ZNF140: variants seen among roughly 807,000 people sequenced by gnomAD.
ZNF140 encodes the protein zinc finger protein 140.
A neutral mutation model predicts 12.9 loss-of-function variants in ZNF140; 13 were observed. The ratio of observed to expected loss-of-function variants is 1.01; its 90% CI spans 0.66 to 1.60. The LOEUF is 1.60. ZNF140 is among the 40% of genes most tolerant of loss of function. The pLI is 0.00. For synonymous variants in ZNF140, 214 were observed against 186.7 expected (o/e 1.15, Z -1.19); for missense variants, 531 against 548.8 (o/e 0.97, Z 0.32).
At chr12:133,098,329 C>T (rs1283410502) in intron 4 of ZNF140, among the ~76,000 whole-genome samples, 9 of 151,974 alleles carry the variant, frequency 5.9e-5, no homozygotes, top group South Asian at 2.1e-4. Flanking sequence ...CTCCACCTCC[C>T]GAGTTCAACA....
Position 133,083,120 on chromosome 12 carries a change from A to T in ZNF140, c.27A>T (p.Arg9Ser). The T allele has an allele frequency of 6.2e-7, 1 of 1,614,182 alleles. No individual in the cohort carries two copies. Residue 9 changes from arginine to serine, a missense_variant, in exon 3 of 5, where the codon AGA becomes AGT. Arg to Ser is a moderately radical substitution (Grantham distance 110). Coordinates refer to ENST00000355557, the MANE Select transcript of ZNF140 (RefSeq NM_003440.4). MSQGSVTF[R>S]DVAIDFSQEE... is the part of the protein sequence containing the mutation. ...CATTTCAGGGGTCAGTGACATTCAG[A>T]GATGTGGCCATAGACTTCTCCCAGG...
intron 4 of ZNF140, among the ~76,000 whole-genome samples, chr12:133,090,553 C>T (rs1201569472): frequency 2.3e-4 from 35 of 152,128 alleles, no homozygotes; most frequent in Non-Finnish European, 2.9e-5. Flanking sequence ...GTGGCCTGCC[C>T]CTCCACACCT....
chr12:133,095,781 C>T (rs1456559236), intron 4 of ZNF140, among the ~76,000 whole-genome samples: 1 of 151,756 alleles, frequency 6.6e-6, no homozygotes, highest in African/African-American at 2.4e-5. Flanking sequence ...GGTACTATGC[C>T]TGGATGTGCA....
At chr12:133,088,498 T>C (rs1954756866) in intron 4 of ZNF140, among the ~76,000 whole-genome samples, 2 of 152,262 alleles carry the variant, frequency 1.3e-5, no homozygotes, top group Admixed American at 6.5e-5. Flanking sequence ...AGTTTACTTA[T>C]ATGTTCACCT....
In ZNF140 at chr12:133,088,463, A is replaced by G. The variant is rs1053376239; in HGVS notation, c.232+4902A>G. 3.3e-5 allele frequency among the ~76,000 whole-genome samples: 5 copies of G among 152,344 alleles called. No homozygotes were observed. In the East Asian group the frequency reaches 7.7e-4, roughly 24 times the overall value. ...AGCTCTTTCTTTTTAGCACTGAATA[A>G]TATTCCATTGTCTGCATGTACTGCA... On this transcript the variant is annotated intron_variant, in intron 4 of 4. Coordinates refer to ENST00000355557, the MANE Select transcript of ZNF140 (RefSeq NM_003440.4).
chr12:133,095,529 G>C (rs1301504577), intron 4 of ZNF140, among the ~76,000 whole-genome samples: 8 of 151,674 alleles, frequency 5.3e-5, no homozygotes, highest in Non-Finnish European at 1.2e-4. Flanking sequence ...TGGGATGAGA[G>C]ACTGAGAAAA....
At chr12:133,081,238 C>T (rs1321022660) in intron 1 of ZNF140, 35 bp from the exon 2 acceptor site, 1 of 1,191,296 alleles carries the variant, frequency 8.4e-7, no homozygotes, top group Admixed American at 2.0e-5. Flanking sequence ...GCCTAGCTGG[C>T]CTGTTCGCTC....
intron 4 of ZNF140, among the ~76,000 whole-genome samples, chr12:133,096,342 T>TG (rs1955125672): frequency 6.6e-6 from 1 of 152,174 alleles, no homozygotes; most frequent in African/African-American, 2.4e-5. Flanking sequence ...TCAAAGTGGC[T>TG]GGGGAAAGCT....
At chr12:133,083,646 T>C (rs968129632) in intron 4 of ZNF140, 85 bp downstream of exon 4, 1 of 1,339,516 alleles carries the variant, frequency 7.5e-7, no homozygotes, top group Non-Finnish European at 1.0e-6. Flanking sequence ...ATATGTTGAT[T>C]GGAAAATTTT....
At chr12:133,081,393 A>C (rs1954496813) in intron 2 of ZNF140, 64 bp downstream of exon 2, 1 of 194,240 alleles carries the variant, frequency 5.1e-6, no homozygotes, top group Non-Finnish European at 8.8e-6. Context: ...TTTTTTTAAG[A>C]GAGAGACAGG....
Position 133,105,924 on chromosome 12 carries a change from C to G in ZNF140, c.647C>G (p.Pro216Arg). ...KHQMIHTGKK[P>R]HECKDCNKTF... ...CAAATGATACATACTGGAAAGAAAC[C>G]CCATGAGTGTAAGGACTGTAATAAA... is the stretch of plus-strand genomic sequence containing the variant. Residue 216 changes from proline (P) to arginine (R), a missense_variant, in exon 5 of 5, where the codon CCC (proline) becomes CGC (arginine). Pro to Arg is a moderately radical substitution (Grantham distance 103, BLOSUM62 -2). Coordinates refer to ENST00000355557, the MANE Select transcript of ZNF140 (RefSeq NM_003440.4). 1 of 1,614,124 alleles carries G rather than the reference C, an allele frequency of 6.2e-7. No homozygotes were observed. The highest frequency in any genetic ancestry group is 8.5e-7 in the Non-Finnish European group (1 of 1,180,032).
intron 4 of ZNF140, among the ~76,000 whole-genome samples, chr12:133,099,658 C>T (rs935276476): frequency 3.9e-5 from 6 of 152,058 alleles, no homozygotes; most frequent in Admixed American, 6.5e-5. Context: ...TCTTCTGTAA[C>T]CTGGGCAATA....
chr12:133,106,375 C>G lies in ZNF140; in HGVS notation c.1098C>G (p.Phe366Leu). 6.2e-7 allele frequency: 1 copy of G among 1,614,128 alleles called. No individual in the cohort carries two copies. The highest frequency in any genetic ancestry group is 8.5e-7 in the Non-Finnish European group (1 of 1,180,026). The part of the protein sequence containing the change: ...LYECDECGKV[F>L]TWHASLIQHT... The stretch of plus-strand genomic sequence containing the variant: ...AATGTGATGAATGTGGTAAAGTTTT[C>G]ACTTGGCATGCATCCCTTATTCAAC... Residue 366 changes from phenylalanine to leucine, a missense_variant, in exon 5 of 5, where the codon TTC becomes TTG. By Grantham distance (22) the Phe-to-Leu change is conservative. Transcript: ENST00000355557.
intron 1 of ZNF140, 28 bp from the exon 2 acceptor site, chr12:133,081,245 G>T (rs375342145): frequency 3.7e-6 from 5 of 1,368,526 alleles, no homozygotes; most frequent in South Asian, 3.6e-5. Context: ...TGGCCTGTTC[G>T]CTCAGGGCTC....
At chr12:133,088,044 C>T (rs1431837637) in intron 4 of ZNF140, among the ~76,000 whole-genome samples, 5 of 151,352 alleles carry the variant, frequency 3.3e-5, no homozygotes, top group African/African-American at 9.7e-5. Context: ...GTGGAAGAAT[C>T]GCTGGAGCCC....
intron 2 of ZNF140, chr12:133,081,702 TGA>T (rs1954510495): frequency 1.3e-5 from 5 of 388,626 alleles, no homozygotes; most frequent in Middle Eastern, 3.9e-4. Context: ...TGTTTTAGGG[TGA>T]GAGGGTAGGG....
Position 133,105,773 on chromosome 12 carries a change from T to C in ZNF140, c.496T>C (p.Cys166Arg), listed in dbSNP as rs1955569334. 6.8e-6 allele frequency: 11 copies of C among 1,614,078 alleles called. No homozygotes were observed. The highest frequency in any genetic ancestry group is 9.3e-6 in the Non-Finnish European group (11 of 1,180,050). Residue 166 changes from cysteine (C) to arginine (R), a missense_variant, in exon 5 of 5, where the codon TGT becomes CGT. Physicochemically the swap from Cys to Arg is radical, Grantham distance 180. Transcript: ENST00000355557. ...TVERPYGCHE[C>R]GKTFGRRFSL... Reference sequence around the variant, plus strand: ...GGAGAGGCCCTATGGATGCCATGAATGTGGAAAAACTTTTGGTCGACGCTT... The same window carrying C: ...GGAGAGGCCCTATGGATGCCATGAACGTGGAAAAACTTTTGGTCGACGCTT...
chr12:133,100,844 G>C (rs1312946244), intron 4 of ZNF140: 1 of 274,316 alleles, frequency 3.6e-6, no homozygotes, highest in Non-Finnish European at 7.4e-6. Flanking sequence ...AGCATTCGCA[G>C]CATAGATATG....
chr12:133,082,849 T>C, intron 2 of ZNF140: 1 of 384,420 alleles, frequency 2.6e-6, no homozygotes, highest in Non-Finnish European at 4.7e-6. Context: ...TGTTCATGTG[T>C]ATAATCCTTT....
Sources: allele counts gnomAD v4.1 joint callset (sites outside exome capture counted in the v4.1 genomes callset), GRCh38; gene constraint gnomAD v4.1.1; transcripts MANE v1.5; gene names NCBI Gene and HGNC (gene_info 2026-07-23, HGNC 2026-07-21).